Variants in GLB1 observed in about 807,000 individuals in gnomAD.
GLB1 encodes beta-galactosidase.
GLB1 carries 56 observed loss-of-function variants against 74.0 expected under a neutral mutation model. The ratio of observed to expected loss-of-function variants is 0.76; its 90% CI spans 0.61 to 0.94. The LOEUF is 0.94. Among genes scored for constraint, GLB1 ranks in the 40% least tolerant of loss-of-function variants. GLB1 has a pLI of 0.00. For synonymous variants in GLB1, 323 were observed against 323.6 expected (o/e 1.00, Z 0.02); for missense variants, 787 against 845.5 (o/e 0.93, Z 0.86).
chr3:33,095,926 G>A (rs1056703981), intron 1 of GLB1, among the ~76,000 whole-genome samples: 2 of 152,174 alleles, frequency 1.3e-5, no homozygotes, highest in Non-Finnish European at 2.9e-5. Flanking sequence ...AGAGGGAGCA[G>A]CAAATAATCT....
chr3:33,068,317 A>G (rs200083833), intron 3 of GLB1, 27 bp from the exon 4 acceptor site: 4 of 1,613,782 alleles, frequency 2.5e-6, no homozygotes, highest in Non-Finnish European at 3.4e-6. Flanking sequence ...AAGCCATTAT[A>G]ATGTCTGTTC....
At chr3:33,090,760 A>G (rs1700722531) in intron 1 of GLB1, 1 of 985,420 alleles carries the variant, frequency 1.0e-6, no homozygotes, top group South Asian at 4.7e-5. Flanking sequence ...TACAAACCAC[A>G]TACGAGAGGG....
chr3:32,970,452 G>A, the GLB1 span, among the ~76,000 whole-genome samples: 1 of 152,120 alleles, frequency 6.6e-6, no homozygotes, highest in East Asian at 1.9e-4. Flanking sequence ...GGCAAATGCA[G>A]GCTTTAAGCA....
intron 1 of GLB1, among the ~76,000 whole-genome samples, chr3:33,086,474 C>A (rs1263514914): frequency 6.6e-6 from 1 of 152,126 alleles, no homozygotes; most frequent in Non-Finnish European, 1.5e-5. Flanking sequence ...TGACATTAGG[C>A]AACAATCACC....
Position 33,001,059 on chromosome 3 carries a change from C to A in GLB1, c.1735-3715G>T, listed in dbSNP as rs537175276. 2.6e-5 allele frequency among the ~76,000 whole-genome samples: 4 copies of A among 151,916 alleles called. No individual in the cohort carries two copies. In the South Asian group the frequency reaches 8.3e-4, roughly 32 times the overall value. Reference sequence around the variant, plus strand: ...CCACAGCCCATACCTTCCTCCTTTCCTCCTTGTGTCTGCCGCACTCCCCCT... The same window carrying A: ...CCACAGCCCATACCTTCCTCCTTTCATCCTTGTGTCTGCCGCACTCCCCCT... On this transcript the variant is annotated intron_variant, in intron 15 of 15. Transcript: ENST00000307363.
chr3:32,990,133 G>A, the GLB1 span, among the ~76,000 whole-genome samples: 9 of 152,138 alleles, frequency 5.9e-5, no homozygotes, highest in African/African-American at 2.2e-4. Context: ...TGAGGTACAT[G>A]CCACCAATTT....
At chr3:33,092,148 C>T in intron 1 of GLB1, 1 of 985,620 alleles carries the variant, frequency 1.0e-6, no homozygotes, top group Middle Eastern at 5.2e-4. Context: ...CCATGGCGCC[C>T]ACCGTTCTTC....
At chr3:33,005,667 A>C (rs778287138) in intron 15 of GLB1, among the ~76,000 whole-genome samples, 14 of 152,046 alleles carry the variant, frequency 9.2e-5, no homozygotes, top group East Asian at 1.9e-4. Context: ...CTAATTCAAA[A>C]ATTTTTTTTG....
At chr3:32,993,823 G>C (rs559019691), downstream of GLB1, among the ~76,000 whole-genome samples, 1 of 151,820 alleles carries the variant, frequency 6.6e-6, no homozygotes, top group Non-Finnish European at 1.5e-5. Context: ...GTGAGTCACC[G>C]CACCTGGCCT....
chr3:32,967,331 C>T, the GLB1 span, among the ~76,000 whole-genome samples: 1 of 152,138 alleles, frequency 6.6e-6, no homozygotes, highest in African/African-American at 2.4e-5. Context: ...CTTTGGGAGG[C>T]CAAGACAGGA....
At chr3:33,059,197 T>C (rs1699343736) in intron 5 of GLB1, among the ~76,000 whole-genome samples, 2 of 149,838 alleles carry the variant, frequency 1.3e-5, no homozygotes, top group Non-Finnish European at 3.0e-5. Flanking sequence ...GGGGTAAAAA[T>C]TGATGCTTTG....
intron 10 of GLB1, among the ~76,000 whole-genome samples, chr3:33,028,671 T>TAA (rs1697878216): frequency 6.6e-6 from 1 of 151,824 alleles, no homozygotes; most frequent in Non-Finnish European, 1.5e-5. Context: ...CAAAAATTTT[T>TAA]TTTTTTTTTT....
At chr3:33,004,853 C>T (rs1034281441) in intron 15 of GLB1, among the ~76,000 whole-genome samples, 8 of 152,264 alleles carry the variant, frequency 5.3e-5, no homozygotes, top group Admixed American at 2.0e-4. Flanking sequence ...CTGGAGGTGC[C>T]TATGAGACCC....
At chr3:32,973,638 G>A in the GLB1 span, among the ~76,000 whole-genome samples, 166 of 152,032 alleles carry the variant, frequency 1.1e-3, no homozygotes, top group African/African-American at 3.6e-3. Context: ...GAGCCACCAC[G>A]CCTGGCCTAA....
intron 6 of GLB1, among the ~76,000 whole-genome samples, 156 bp downstream of exon 6, chr3:33,057,922 CCTCTGTTACTG>C (rs1256387628): frequency 6.6e-6 from 1 of 152,210 alleles, no homozygotes; most frequent in Admixed American, 6.5e-5. Context: ...TACAGATAAC[CCTCTGTTACTG>C]AGGGGTGCAA....
At chr3:33,024,947 CTTTT>C (rs34388197) in intron 10 of GLB1, among the ~76,000 whole-genome samples, 3 of 144,254 alleles carry the variant, frequency 2.1e-5, no homozygotes, top group Non-Finnish European at 1.5e-5. Flanking sequence ...TACAAATCCT[CTTTT>C]TTTTTTTTTT....
At chr3:33,025,159 G>A (rs1301799507) in intron 10 of GLB1, among the ~76,000 whole-genome samples, 1 of 152,130 alleles carries the variant, frequency 6.6e-6, no homozygotes, top group Non-Finnish European at 1.5e-5. Flanking sequence ...TGGTCAGGCT[G>A]GTCTCGAACT....
chr3:33,096,533 G>C, intron 1 of GLB1: 7 of 985,318 alleles, frequency 7.1e-6, no homozygotes, highest in Non-Finnish European at 8.4e-6. Context: ...AGCACCCAGA[G>C]GGGAAATAAC....
chr3:33,025,950 A>T (rs1697730353), intron 10 of GLB1, among the ~76,000 whole-genome samples: 1 of 152,022 alleles, frequency 6.6e-6, no homozygotes, highest in Non-Finnish European at 1.5e-5. Flanking sequence ...AGCAGGAAGG[A>T]GGTGGTCAGT....
Sources: allele counts gnomAD v4.1 joint callset (sites outside exome capture counted in the v4.1 genomes callset), GRCh38; gene constraint gnomAD v4.1.1; transcripts MANE v1.5; gene names NCBI Gene and HGNC (gene_info 2026-07-23, HGNC 2026-07-21).